Variants in MPP2 observed in about 807,000 individuals in gnomAD.
MPP2 encodes MAGUK p55 scaffold protein 2.
In MPP2, 42 loss-of-function variants were observed where a neutral mutation model predicts 58.5. That is an observed-to-expected ratio of 0.72 (90% CI 0.56 to 0.93). The LOEUF (loss-of-function observed/expected upper bound fraction) is 0.93, where lower values mean the gene tolerates loss of function less well. MPP2 is among the 40% of genes least tolerant of loss of function. The pLI, the probability that MPP2 is intolerant of heterozygous loss-of-function variation, is 0.00. For missense variants in MPP2, 632 were observed against 760.4 expected (o/e 0.83, Z 1.99); for synonymous variants, 300 against 307.8 (o/e 0.97, Z 0.26).
At chr17:43,904,256 C>A (rs2048205612) in intron 2 of MPP2, among the ~76,000 whole-genome samples, 174 bp downstream of exon 2, 1 of 152,172 alleles carries the variant, frequency 6.6e-6, no homozygotes, top group Non-Finnish European at 1.5e-5. Flanking sequence ...AGCACAGGAA[C>A]CCACACAGAG....
chr17:43,904,280 C>A (rs2048207111), intron 2 of MPP2, 150 bp downstream of exon 2: 9 of 684,604 alleles, frequency 1.3e-5, no homozygotes, highest in Non-Finnish European at 2.1e-5. Flanking sequence ...ATGGCCACAG[C>A]AGCTGCCAGA....
At chr17:43,878,548 G>T (rs2046950932) in intron 12 of MPP2, among the ~76,000 whole-genome samples, 1 of 152,214 alleles carries the variant, frequency 6.6e-6, no homozygotes, top group Admixed American at 6.5e-5. Flanking sequence ...GCTCCAGTTG[G>T]CCACACCTGT....
intron 3 of MPP2, chr17:43,884,131 G>A: frequency 1.4e-6 from 1 of 702,708 alleles, no homozygotes; most frequent in South Asian, 1.5e-5. Context: ...ACATTCTGCT[G>A]CATAAACCAC....
chr17:43,905,122 A>G (rs911492053), intron 1 of MPP2, among the ~76,000 whole-genome samples: 1 of 152,120 alleles, frequency 6.6e-6, no homozygotes, highest in Non-Finnish European at 1.5e-5. Flanking sequence ...GGCTACGGTA[A>G]GCCATGATTG....
At chr17:43,882,108 T>C (rs1244764429) in intron 6 of MPP2, among the ~76,000 whole-genome samples, 176 bp downstream of exon 6, 4 of 152,194 alleles carry the variant, frequency 2.6e-5, no homozygotes, top group Non-Finnish European at 5.9e-5. Context: ...CATGTGCAGG[T>C]GCAGCAGCGG....
At position 43,883,211 on chromosome 17, in the gene MPP2, G is replaced by T; in HGVS notation, c.295C>A (p.His99Asn). The change falls in exon 4 of 13, where the codon CAC becomes AAC. Residue 99 changes from histidine to asparagine, a missense_variant. Transcript: ENST00000269095. Reference sequence around the variant, plus strand: ...CCCTAGCAGCCAGGAACCTGGAAGTGGGGCTCCTGGAGGATGTGGGCCAGC... The same window carrying T: ...CCCTAGCAGCCAGGAACCTGGAAGTTGGGCTCCTGGAGGATGTGGGCCAGC... ...AELAHILQEP[H>N]FQSLLETHDS... 1 of 1,604,570 alleles carries T rather than the reference G, an allele frequency of 6.2e-7. No individual in the cohort carries two copies. The highest frequency in any genetic ancestry group is 2.2e-5 in the East Asian group (1 of 44,574).
chr17:43,900,723 C>A lies in MPP2; in HGVS notation c.32-2343G>T. 4.0e-6 allele frequency: 5 copies of A among 1,252,582 alleles called. No homozygotes were observed. The South Asian group carries it at 6.9e-5, about 17-fold the overall frequency. 77.6% of individuals were successfully genotyped at this position (1,252,582 alleles called of 1,614,324 possible). On this transcript the variant is annotated intron_variant, in intron 2 of 12. Transcript: ENST00000269095. The stretch of plus-strand genomic sequence containing the variant: ...GACCGCCTTGCTGATTGGCTAAAGC[C>A]CTGACTGGCGCTGCGCGGTGCAGAG...
upstream of MPP2, chr17:43,909,654 G>A (rs1457567883): frequency 3.6e-6 from 5 of 1,398,474 alleles, no homozygotes; most frequent in Non-Finnish European, 4.7e-6. Context: ...TATTCTTAGC[G>A]GCTGCCCCAC....
At chr17:43,888,748 C>T (rs2047474895) in intron 3 of MPP2, among the ~76,000 whole-genome samples, 1 of 152,154 alleles carries the variant, frequency 6.6e-6, no homozygotes, top group Non-Finnish European at 1.5e-5. Context: ...TACCTCCTAT[C>T]TTTGACTTAA....
intron 6 of MPP2, 129 bp from the exon 7 acceptor site, chr17:43,881,718 C>T (rs2047133338): frequency 1.6e-6 from 2 of 1,221,098 alleles, no homozygotes; most frequent in Non-Finnish European, 2.3e-6. Context: ...AGGAGTGATG[C>T]CTCCAGGCCT....
chr17:43,881,673 A>G (rs568420430), intron 6 of MPP2, 84 bp from the exon 7 acceptor site: 4 of 1,516,396 alleles, frequency 2.6e-6, no homozygotes, highest in Non-Finnish European at 3.6e-6. Flanking sequence ...CCCTCTTTTC[A>G]CAGAGACTAA....
intron 3 of MPP2, among the ~76,000 whole-genome samples, chr17:43,888,637 C>A (rs1350139624): frequency 6.6e-6 from 1 of 152,200 alleles, no homozygotes; most frequent in East Asian, 1.9e-4. Context: ...AGAGAAGTCA[C>A]TCATTTTGAC....
intron 3 of MPP2, among the ~76,000 whole-genome samples, chr17:43,884,870 T>G (rs1363022865): frequency 6.6e-6 from 1 of 152,136 alleles, no homozygotes; most frequent in Non-Finnish European, 1.5e-5. Context: ...CTGTAATCCC[T>G]GCACTTTGGG....
Position 43,879,498 on chromosome 17 carries a change from C to T in MPP2, c.1354-95G>A. 6.6e-7 allele frequency: 1 copy of T among 1,507,012 alleles called. No homozygotes were observed. Among genetic ancestry groups the T allele is most frequent in the Non-Finnish European group, 9.1e-7 (1 of 1,098,406 alleles). The allele number at this position is 1,507,012 out of a possible 1,614,324, so 93.4% of individuals were successfully genotyped here. ...AGGGTAACTGGGGTTGGGGTGAGCA[C>T]TTGGGAGTGGATGAGAAAAGGGTGC... is the stretch of plus-strand genomic sequence containing the variant. On this transcript the variant is annotated intron_variant, in intron 11 of 12. Coordinates refer to ENST00000269095, the MANE Select transcript of MPP2 (RefSeq NM_005374.5). The surrounding 1 kb of genome is among the most constrained non-coding windows in gnomAD (Gnocchi z 4.1).
chr17:43,877,826 G>A lies in MPP2; in HGVS notation c.1640C>T (p.Pro547Leu). ...ACAGGCTCAGTACACCCAGCTGACA[G>A]GCACCCACTGGGGCTCTGTCCGTAG... is the stretch of plus-strand genomic sequence containing the variant. ...EKLRTEPQWVPVSWVY is the reference protein window; with the variant it reads ...EKLRTEPQWVLVSWVY Residue 547 changes from proline to leucine, a missense_variant, in exon 13 of 13, where the codon CCT becomes CTT. Transcript: ENST00000269095. The A allele has an allele frequency of 6.2e-7, 1 of 1,613,892 alleles. No homozygotes were observed. The highest frequency in any genetic ancestry group is 8.5e-7 in the Non-Finnish European group (1 of 1,179,858).
rs748751605 is a variant in MPP2 at position 43,881,573 on chromosome 17, T to C, written c.698A>G (p.His233Arg). 5.9e-5 allele frequency: 95 copies of C among 1,612,848 alleles called. No homozygotes were observed. Among genetic ancestry groups the C allele is most frequent in the Non-Finnish European group, 7.5e-5 (89 of 1,179,730 alleles). The change falls in exon 7 of 13, where the codon CAC becomes CGC. Residue 233 changes from histidine (H) to arginine (R), a missense_variant. His to Arg is a conservative substitution (Grantham distance 29, BLOSUM62 0). Transcript: ENST00000269095. Reference protein sequence around the residue: ...HLPRQVFVKCHFDYDPARDSL... With the variant: ...HLPRQVFVKCRFDYDPARDSL... The stretch of plus-strand genomic sequence containing the variant: ...GTCTCGGGCCGGGTCATAGTCAAAG[T>C]GACATTTCACAAATACCTGGGCCCA...
Position 43,882,476 on chromosome 17 carries a change from C to A in MPP2, c.489G>T (p.Val163=). ...TGCCCCCATGCAGAATGCGCGCGAT[C>A]ACCAGCTCGCCGCCCTCCACGCGGA... ...VTFRVEGGEL[V]IARILHGGMV... is the part of the protein sequence containing the mutation. The change falls in exon 6 of 13, where the codon GTG becomes GTT. Residue 163 remains valine, a synonymous_variant. Transcript: ENST00000269095. 6.2e-7 allele frequency: 1 copy of A among 1,606,292 alleles called. No homozygotes were observed. Among genetic ancestry groups the A allele is most frequent in the Non-Finnish European group, 8.5e-7 (1 of 1,179,926 alleles).
rs991001104 is a variant in MPP2 at position 43,907,461 on chromosome 17, G to A, written c.-34+13C>T. The stretch of plus-strand genomic sequence containing the variant: ...TGGGATAGGAGCTGGCCCGGGGGCC[G>A]GGGGACGCCTACCTGCGCCCCGGGA... On this transcript the variant is annotated intron_variant, in intron 1 of 12. Transcript: ENST00000269095. 8 of 985,466 alleles carry A rather than the reference G, an allele frequency of 8.1e-6. No individual in the cohort carries two copies. The African/African-American group carries it at 1.2e-4, about 15-fold the overall frequency. 61.0% of individuals were successfully genotyped at this position (985,466 alleles called of 1,614,324 possible).
chr17:43,878,121 C>T lies in MPP2; in HGVS notation c.1483-138G>A, dbSNP rs1265646913. 5.9e-6 allele frequency: 5 copies of T among 844,848 alleles called. No individual in the cohort carries two copies. The East Asian group carries it at 8.0e-5, about 14-fold the overall frequency. The allele number at this position is 844,848 out of a possible 1,614,324, so 52.3% of individuals were successfully genotyped here. A position where few individuals can be genotyped will look rare whatever the true frequency, so the allele number is the denominator to read the frequency against. On this transcript the variant is annotated intron_variant, in intron 12 of 12. Coordinates refer to ENST00000269095, the MANE Select transcript of MPP2 (RefSeq NM_005374.5). ...GACTCCCTGGCTAGGGAGGCAGGGG[C>T]CCCTCTCTGCGTGCCTCAAAGTGGC...
Sources: allele counts gnomAD v4.1 joint callset (sites outside exome capture counted in the v4.1 genomes callset), GRCh38; gene constraint gnomAD v4.1.1; non-coding constraint Gnocchi (gnomAD v3.1); transcripts MANE v1.5; gene names NCBI Gene and HGNC (gene_info 2026-07-23, HGNC 2026-07-21).